The following PARD3 variants were observed in gnomAD, a reference collection of about 807,000 sequenced individuals.
The protein encoded by PARD3 is partitioning defective 3 homolog.
A neutral mutation model predicts 155.4 loss-of-function variants in PARD3; 75 were observed. That is an observed-to-expected ratio of 0.48 (90% CI 0.40 to 0.58). The LOEUF is 0.58. Ranked by LOEUF, PARD3 falls within the 20% of genes least tolerant of loss-of-function variation. The pLI is 0.00. For synonymous variants in PARD3, 576 were observed against 610.5 expected (o/e 0.94, Z 0.83); for missense variants, 1,642 against 1,721.7 (o/e 0.95, Z 0.82).
At position 34,287,076 on chromosome 10, in the gene PARD3, C is replaced by T. The variant is rs138529787; in HGVS notation, c.3066-2831G>A. On this transcript the variant is annotated intron_variant, in intron 20 of 24. Transcript: ENST00000374788. ...GGACTTGGGGGTGAAGATATCATAA[C>T]GGCAAAAATTCAAGGGACAGCATAA... Among the ~76,000 whole-genome samples the T allele has an allele frequency of 2.1e-3, 318 of 152,086 alleles. 2 individuals are homozygous for T. Among genetic ancestry groups the T allele is most frequent in the African/African-American group, 7.1e-3 (295 of 41,504 alleles).
intron 2 of PARD3, among the ~76,000 whole-genome samples, chr10:34,652,274 T>TGTGATTTTGGGACA (rs2093036037): frequency 6.6e-6 from 1 of 152,204 alleles, no homozygotes; most frequent in South Asian, 2.1e-4. Flanking sequence ...ACTACTTTGC[T>TGTGATTTTGGGACA]GGTCCACTAC....
intron 2 of PARD3, among the ~76,000 whole-genome samples, chr10:34,615,599 A>G (rs2091198732): frequency 6.6e-6 from 1 of 152,228 alleles, no homozygotes; most frequent in South Asian, 2.1e-4. Context: ...AAATAGACAA[A>G]TAAAATTATA....
intron 20 of PARD3, among the ~76,000 whole-genome samples, chr10:34,312,052 C>G (rs568008180): frequency 6.6e-6 from 1 of 152,150 alleles, no homozygotes; most frequent in East Asian, 1.9e-4. Context: ...TTTCTGAATA[C>G]GCCAGCAGTG....
intron 21 of PARD3, among the ~76,000 whole-genome samples, chr10:34,270,205 A>T (rs1276309105): frequency 6.8e-6 from 1 of 148,074 alleles, no homozygotes; most frequent in Non-Finnish European, 1.5e-5. Flanking sequence ...CAGTGGCATG[A>T]GATCTTGGCT....
At chr10:34,533,204 C>T (rs1043743487) in intron 2 of PARD3, among the ~76,000 whole-genome samples, 1 of 151,982 alleles carries the variant, frequency 6.6e-6, no homozygotes, top group African/African-American at 2.4e-5. Flanking sequence ...GAAGGCAGAA[C>T]CTAAAAGTAA....
chr10:34,571,966 TAAG>T (rs2086448702), intron 2 of PARD3, among the ~76,000 whole-genome samples: 1 of 152,148 alleles, frequency 6.6e-6, no homozygotes, highest in South Asian at 2.1e-4. Flanking sequence ...CTCTATCTGG[TAAG>T]AAATTATTTG....
intron 2 of PARD3, among the ~76,000 whole-genome samples, chr10:34,522,238 C>T (rs746352917): frequency 2.6e-5 from 4 of 152,160 alleles, no homozygotes; most frequent in Non-Finnish European, 4.4e-5. Flanking sequence ...AAATACTACA[C>T]TGCCCACCTT....
At chr10:34,305,110 C>T (rs1957339567) in intron 20 of PARD3, among the ~76,000 whole-genome samples, 1 of 151,960 alleles carries the variant, frequency 6.6e-6, no homozygotes, top group Admixed American at 6.6e-5. Context: ...TCTTCATTTC[C>T]TTTTTTTAAA....
intron 2 of PARD3, among the ~76,000 whole-genome samples, chr10:34,651,577 T>G (rs2093015053): frequency 6.6e-6 from 1 of 152,164 alleles, no homozygotes; most frequent in African/African-American, 2.4e-5. Flanking sequence ...GGGCTTGCAG[T>G]GAAGACAAAA....
intron 3 of PARD3, among the ~76,000 whole-genome samples, chr10:34,493,714 A>T (rs2080074162): frequency 6.6e-6 from 1 of 151,858 alleles, no homozygotes; most frequent in Admixed American, 6.6e-5. Flanking sequence ...CCTGGGCGAC[A>T]AAAGCGAAAC....
In PARD3 at chr10:34,721,433, C is replaced by G. The variant is rs1199349358; in HGVS notation, c.121-25014G>C. Among the ~76,000 whole-genome samples, 5 of 152,264 alleles carry G rather than the reference C, an allele frequency of 3.3e-5. No individual in the cohort carries two copies. The East Asian group carries it at 9.6e-4, about 29-fold the overall frequency. Reference sequence around the variant, plus strand: ...ATGCTGAAGCTGCACACAGGGTGTGCCTGGGCAGCCGGCAAGCTGAGGGCA... The same window carrying G: ...ATGCTGAAGCTGCACACAGGGTGTGGCTGGGCAGCCGGCAAGCTGAGGGCA... On this transcript the variant is annotated intron_variant, in intron 1 of 24. Coordinates refer to ENST00000374788, the MANE Select transcript of PARD3 (RefSeq NM_001184785.2).
At chr10:34,620,373 G>A (rs537095588) in intron 2 of PARD3, among the ~76,000 whole-genome samples, 2 of 152,302 alleles carry the variant, frequency 1.3e-5, no homozygotes, top group African/African-American at 2.4e-5. Context: ...TGTAGGAAGT[G>A]TCTCTCTTCC....
chr10:34,453,917 G>C (rs187532890), intron 4 of PARD3, among the ~76,000 whole-genome samples: 116 of 152,286 alleles, frequency 7.6e-4, no homozygotes, highest in Non-Finnish European at 1.3e-3. Flanking sequence ...TATATTTGTG[G>C]AATCAACTTT....
rs978725134 is a variant in PARD3 at position 34,313,936 on chromosome 10, T to C, written c.3065+3171A>G. Among the ~76,000 whole-genome samples the C allele has an allele frequency of 3.9e-5, 6 of 152,194 alleles. No homozygotes were observed. The South Asian group carries it at 6.2e-4, about 16-fold the overall frequency. ...TACTGAATGTCCCTTAGCCTTTTGT[T>C]TTCTGAGCTACAAGATAGAAAGAAA... On this transcript the variant is annotated intron_variant, in intron 20 of 24. Transcript: ENST00000374788.
At chr10:34,666,796 A>AAAAAT (rs1358640964) in intron 2 of PARD3, among the ~76,000 whole-genome samples, 22 of 66,946 alleles carry the variant, frequency 3.3e-4, no homozygotes, top group African/African-American at 1.1e-3. Flanking sequence ...AAAAAAAAAA[A>AAAAAT]ATATATATAT....
intron 22 of PARD3, among the ~76,000 whole-genome samples, chr10:34,218,535 G>T (rs4934508): frequency 6.6e-6 from 1 of 152,104 alleles, no homozygotes; most frequent in Admixed American, 6.5e-5. Context: ...AGTAACAGAC[G>T]GACTACTTAG....
intron 22 of PARD3, among the ~76,000 whole-genome samples, chr10:34,264,135 C>A (rs1028799626): frequency 6.6e-6 from 1 of 152,186 alleles, no homozygotes; most frequent in African/African-American, 2.4e-5. Flanking sequence ...AGTACCCACA[C>A]AACCAATCTA....
At chr10:34,196,960 C>T (rs960844006) in intron 22 of PARD3, among the ~76,000 whole-genome samples, 1 of 152,144 alleles carries the variant, frequency 6.6e-6, no homozygotes. Context: ...TTACTATGAA[C>T]CGCAAGCTTT....
chr10:34,325,870 C>A (rs61842464), intron 19 of PARD3, among the ~76,000 whole-genome samples: 11,248 of 152,170 alleles, frequency 0.074, 569 homozygotes, highest in Non-Finnish European at 0.1. Flanking sequence ...CTCCTGTAAT[C>A]CCAGCACTTT....
Sources: allele counts gnomAD v4.1 joint callset (sites outside exome capture counted in the v4.1 genomes callset), GRCh38; gene constraint gnomAD v4.1.1; transcripts MANE v1.5; gene names NCBI Gene and HGNC (gene_info 2026-07-23, HGNC 2026-07-21).